IGFN1: variants seen among roughly 807,000 people sequenced by gnomAD.
IGFN1 encodes immunoglobulin like and fibronectin type III domain containing 1.
In IGFN1, 253 loss-of-function variants were observed where a neutral mutation model predicts 289.5. The observed-to-expected ratio is 0.87, with a 90% CI of 0.79 to 0.97. IGFN1 has a LOEUF of 0.97. Ranked by LOEUF, IGFN1 falls within the 50% of genes least tolerant of loss-of-function variation. The probability of loss-of-function intolerance (pLI) is 0.00; values close to 1 mark genes in which losing one functional copy is unlikely to be tolerated. For synonymous variants in IGFN1, 1,706 were observed against 1,788.5 expected (o/e 0.95, Z 1.16); for missense variants, 4,470 against 4,686.1 (o/e 0.95, Z 1.35).
rs999128206 is a variant in IGFN1, at chr1:201,211,809, G to T, written c.6916G>T (p.Gly2306Cys). 11 of 1,536,622 alleles carry T rather than the reference G, an allele frequency of 7.2e-6. No homozygotes were observed. Among genetic ancestry groups the T allele is most frequent in the Non-Finnish European group, 8.7e-6 (10 of 1,146,718 alleles). The change falls in exon 12 of 24, where the codon GGT becomes TGT. Residue 2306 changes from glycine to cysteine, a missense_variant. This residue lies in a region of IGFN1 where 2,218 missense variants were observed against 2,114.1 expected (regional missense o/e 1.05). Coordinates refer to ENST00000335211, the MANE Select transcript of IGFN1 (RefSeq NM_001164586.2). ...ATTAGGGAGCGAGGCAGGTTCTAGG[G>T]GTAGTTTGGAGGATTCTGGGTACAT... ...NPLGSEAGSR[G>C]SLEDSGYILS...
Position 201,206,710 on chromosome 1 carries a change from G to C in IGFN1, c.1817G>C (p.Gly606Ala). The C allele has an allele frequency of 6.5e-7, 1 of 1,536,904 alleles. No homozygotes were observed. Among genetic ancestry groups the C allele is most frequent in the East Asian group, 2.4e-5 (1 of 40,918 alleles). Reference protein sequence around the residue: ...LWDARLGPGRGKSDLQGCQSD... With the variant: ...LWDARLGPGRAKSDLQGCQSD... Reference sequence around the variant, plus strand: ...GATGCTCGACTGGGACCTGGGAGAGGAAAGAGCGACCTGCAGGGATGCCAG... The same window carrying C: ...GATGCTCGACTGGGACCTGGGAGAGCAAAGAGCGACCTGCAGGGATGCCAG... The change falls in exon 12 of 24, where the codon GGA becomes GCA. Residue 606 changes from glycine (G) to alanine (A), a missense_variant. Transcript: ENST00000335211.
chr1:201,199,659 G>A lies in IGFN1; in HGVS notation c.458+5G>A. Reference sequence around the variant, plus strand: ...CCGGAAGTTGCTGAAAAAGAGGTGGGTTTGGGCCTGTCCATGAGGGATTTT... The same window carrying A: ...CCGGAAGTTGCTGAAAAAGAGGTGGATTTGGGCCTGTCCATGAGGGATTTT... On this transcript the variant is annotated splice_donor_5th_base_variant and intron_variant, in intron 7 of 23. Transcript: ENST00000335211. The A allele has an allele frequency of 1.3e-6, 2 of 1,551,280 alleles. No individual in the cohort carries two copies. The highest frequency in any genetic ancestry group is 1.7e-6 in the Non-Finnish European group (2 of 1,146,674).
At position 201,213,218 on chromosome 1, in the gene IGFN1, C is replaced by T. The variant is rs375173473; in HGVS notation, c.8325C>T (p.Leu2775=). 1.4e-4 allele frequency: 211 copies of T among 1,551,462 alleles called. No homozygotes were observed. Among genetic ancestry groups the T allele is most frequent in the African/African-American group, 3.0e-4 (22 of 72,988 alleles). ...GACAGAGAGGAGGAAAGAGGTCCCT[C>T]GGGGAGCAGGGGTCCCTGGAGGCTG... is the stretch of plus-strand genomic sequence containing the variant. ...GKGQRGGKRS[L]GEQGSLEAEN... is the part of the protein sequence containing the mutation. Residue 2775 remains leucine (L), a synonymous_variant, in exon 12 of 24, where the codon CTC becomes CTT. Coordinates refer to ENST00000335211, the MANE Select transcript of IGFN1 (RefSeq NM_001164586.2).
chr1:201,227,956 A>T (rs1336219671), intron 23 of IGFN1, among the ~76,000 whole-genome samples: 1 of 152,214 alleles, frequency 6.6e-6, no homozygotes, highest in Non-Finnish European at 1.5e-5. Flanking sequence ...TCAGTAGCAC[A>T]GATATATATG....
In IGFN1 at chr1:201,211,426, A is replaced by G; in HGVS notation, c.6533A>G (p.Tyr2178Cys). 2 of 1,500,136 alleles carry G rather than the reference A, an allele frequency of 1.3e-6. No homozygotes were observed. The highest frequency in any genetic ancestry group is 1.8e-6 in the Non-Finnish European group (2 of 1,125,320). The allele number at this position is 1,500,136 out of a possible 1,614,324, so 92.9% of individuals were successfully genotyped here. A position where few individuals can be genotyped will look rare whatever the true frequency, so the allele number is the denominator to read the frequency against. The stretch of plus-strand genomic sequence containing the variant: ...ATGGGGTCAATGGATGAGGCAGGTT[A>G]TAGGAAGGATTTGGGAGCTCCTGAG... ...GEMGSMDEAGYRKDLGAPEGM... is the reference protein window; with the variant it reads ...GEMGSMDEAGCRKDLGAPEGM... The change falls in exon 12 of 24, where the codon TAT becomes TGT. Residue 2178 changes from tyrosine to cysteine, a missense_variant. Coordinates refer to ENST00000335211, the MANE Select transcript of IGFN1 (RefSeq NM_001164586.2).
At chr1:201,224,967 C>T (rs1483751088) in intron 21 of IGFN1, 93 bp downstream of exon 21, 1 of 889,418 alleles carries the variant, frequency 1.1e-6, no homozygotes, top group South Asian at 1.9e-5. Flanking sequence ...GTCTCAGCCA[C>T]TCTACCAGGG....
rs557379062 is a variant in IGFN1, at chr1:201,227,020, G to A, written c.10925G>A (p.Arg3642Gln). Residue 3642 changes from arginine (R) to glutamine (Q), a missense_variant, in exon 23 of 24, where the codon CGG (arginine) becomes CAG (glutamine). This residue lies in a region of IGFN1 where 2,218 missense variants were observed against 2,114.1 expected (regional missense o/e 1.05). Coordinates refer to ENST00000335211, the MANE Select transcript of IGFN1 (RefSeq NM_001164586.2). ...AGCTGTGCCGTGCAGGGCTCGCCCC[G>A]GCCCCACGTCACCTGGTTCAAGAAT... ...CMSCAVQGSP[R>Q]PHVTWFKNDR... 82 of 1,613,480 alleles carry A rather than the reference G, an allele frequency of 5.1e-5. No homozygotes were observed. The highest frequency in any genetic ancestry group is 4.7e-4 in the East Asian group (21 of 44,884).
At chr1:201,194,577 T>C (rs1329780363) in intron 3 of IGFN1, among the ~76,000 whole-genome samples, 2 of 152,282 alleles carry the variant, frequency 1.3e-5, no homozygotes, top group East Asian at 3.9e-4. Flanking sequence ...GGTTGTGGTG[T>C]TTCCTGGTCC....
At chr1:201,223,055 C>G (rs1474465795) in intron 20 of IGFN1, 1 of 393,346 alleles carries the variant, frequency 2.5e-6, no homozygotes, top group Non-Finnish European at 4.6e-6. Context: ...CCATTCTGCT[C>G]CAGGCCTGCA....
In IGFN1 at chr1:201,208,475, T is replaced by C; in HGVS notation, c.3582T>C (p.Pro1194=). ...DDTRHPESLA[P]HNGAASGSQW... ...CCAGGCACCCTGAGTCACTCGCACC[T>C]CACAATGGGGCCGCTTCTGGGAGCC... The change falls in exon 12 of 24, where the codon CCT becomes CCC. Residue 1194 remains proline (P), a synonymous_variant. Coordinates refer to ENST00000335211, the MANE Select transcript of IGFN1 (RefSeq NM_001164586.2). 2.1e-6 allele frequency: 3 copies of C among 1,446,616 alleles called. No individual in the cohort carries two copies. Among genetic ancestry groups the C allele is most frequent in the Non-Finnish European group, 2.7e-6 (3 of 1,106,976 alleles). The allele number at this position is 1,446,616 out of a possible 1,614,324, so 89.6% of individuals were successfully genotyped here. A position where few individuals can be genotyped will look rare whatever the true frequency, so the allele number is the denominator to read the frequency against.
chr1:201,191,830 T>C (rs966123587), intron 1 of IGFN1, among the ~76,000 whole-genome samples: 1 of 152,092 alleles, frequency 6.6e-6, no homozygotes, highest in Non-Finnish European at 1.5e-5. Flanking sequence ...GTGTGACCAA[T>C]AGCTGAGTAA....
chr1:201,224,559 G>A (rs560231260), intron 20 of IGFN1, 120 bp from the exon 21 acceptor site: 9 of 748,108 alleles, frequency 1.2e-5, no homozygotes, highest in South Asian at 1.9e-5. Context: ...TTTTCTGGTC[G>A]ACTTTCTCCT....
chr1:201,226,152 G>A (rs1654082511), intron 22 of IGFN1, 29 bp downstream of exon 22: 4 of 1,549,168 alleles, frequency 2.6e-6, no homozygotes, highest in Non-Finnish European at 2.6e-6. Context: ...GGAGGAGCAG[G>A]CAGGGTGGGG....
At position 201,197,244 on chromosome 1, in the gene IGFN1, G is replaced by T; in HGVS notation, c.294G>T (p.Thr98=). ...TCAACAAGCTGACAGGCGAGGACAC[G>T]GATCTGTACCGCTGCACAGCAGTAA... ...LQINKLTGED[T]DLYRCTAVNA... Residue 98 remains threonine, a synonymous_variant, in exon 5 of 24, where the codon ACG becomes ACT. Transcript: ENST00000335211. 1 of 1,550,950 alleles carries T rather than the reference G, an allele frequency of 6.4e-7. No individual in the cohort carries two copies. The highest frequency in any genetic ancestry group is 1.2e-5 in the South Asian group (1 of 84,036).
Position 201,212,422 on chromosome 1 carries a change from G to A in IGFN1, c.7529G>A (p.Arg2510Lys). 6.5e-7 allele frequency: 1 copy of A among 1,537,104 alleles called. No homozygotes were observed. Among genetic ancestry groups the A allele is most frequent in the Middle Eastern group, 1.7e-4 (1 of 5,988 alleles). ...TCTTCTAGAGACAGAGGGGCTCCCA[G>A]GGTGAAGGATAGGTCTCCAGACCAA... ...PGSSRDRGAP[R>K]VKDRSPDQAG... Residue 2510 changes from arginine (R) to lysine (K), a missense_variant, in exon 12 of 24, where the codon AGG becomes AAG. Around this residue, in one of 8 missense-constraint regions of IGFN1, gnomAD observed 2,218 missense variants for 2,114.1 expected, o/e 1.05. Transcript: ENST00000335211.
chr1:201,197,840 TG>T (rs1327413685), intron 5 of IGFN1, among the ~76,000 whole-genome samples: 1 of 152,240 alleles, frequency 6.6e-6, no homozygotes, highest in Admixed American at 6.5e-5. Context: ...CCATTGGTTA[TG>T]CTTACAATTG....
At chr1:201,221,091 G>T (rs958777239) in intron 18 of IGFN1, among the ~76,000 whole-genome samples, 1 of 152,206 alleles carries the variant, frequency 6.6e-6, no homozygotes, top group East Asian at 1.9e-4. Flanking sequence ...ACACATGGAA[G>T]TCTAGTCATA....
At position 201,206,345 on chromosome 1, in the gene IGFN1, C is replaced by T; in HGVS notation, c.1452C>T (p.Gly484=). The stretch of plus-strand genomic sequence containing the variant: ...AAGGGACAGCTGACTCAGCCTGGGG[C>T]CCTGGACAGGAGGGCGAGGGCTTTC... The part of the protein sequence containing the change: ...GDKGTADSAW[G]PGQEGEGFPV... The change falls in exon 12 of 24, where the codon GGC becomes GGT. Residue 484 remains glycine (G), a synonymous_variant. Coordinates refer to ENST00000335211, the MANE Select transcript of IGFN1 (RefSeq NM_001164586.2). 2.6e-6 allele frequency: 4 copies of T among 1,550,412 alleles called. 1 individual carries two copies. In the Middle Eastern group the frequency reaches 5.0e-4, roughly 194 times the overall value.
At position 201,206,839 on chromosome 1, in the gene IGFN1, G is replaced by A; in HGVS notation, c.1946G>A (p.Gly649Glu). The change falls in exon 12 of 24, where the codon GGG becomes GAG. Residue 649 changes from glycine to glutamate, a missense_variant. By Grantham distance (98) the Gly-to-Glu change is moderately conservative. Around this residue, in one of 8 missense-constraint regions of IGFN1, gnomAD observed 2,011 missense variants for 1,953.4 expected, o/e 1.03. Coordinates refer to ENST00000335211, the MANE Select transcript of IGFN1 (RefSeq NM_001164586.2). ...GGGGATGCTCCAAGTAGGGAAAGGG[G>A]GAGAGGAATAGTAGTGTGGGGTGGT... ...DRGDAPSRER[G>E]RGIVVWGGGT... 1 of 1,536,884 alleles carries A rather than the reference G, an allele frequency of 6.5e-7. No individual in the cohort carries two copies. The highest frequency in any genetic ancestry group is 1.2e-5 in the South Asian group (1 of 84,042).
Sources: gnomAD v4.1 joint callset for allele counts (sites outside exome capture counted in the v4.1 genomes callset) on GRCh38, gnomAD v4.1.1 for gene constraint, gnomAD v4.1.1 regional missense constraint, MANE v1.5 for transcripts, NCBI Gene and HGNC (gene_info 2026-07-23, HGNC 2026-07-21) for gene names.